Variants in GLRA2 observed in about 807,000 individuals in gnomAD.
The protein encoded by GLRA2 is glycine receptor subunit alpha-2.
A neutral mutation model predicts 31.6 loss-of-function variants in GLRA2; 11 were observed. The observed-to-expected ratio is 0.35, with a 90% confidence interval of 0.22 to 0.58. The LOEUF (loss-of-function observed/expected upper bound fraction) is 0.58. Ranked by LOEUF, GLRA2 falls within the 20% of genes least tolerant of loss-of-function variation. GLRA2 has a pLI of 0.84. For synonymous variants in GLRA2, 132 were observed against 134.0 expected (o/e 0.99, Z 0.10); for missense variants, 212 against 351.8 (o/e 0.60, Z 3.18).
chrX:14,486,769 A>G, the GLRA2 span, among the ~76,000 whole-genome samples: 1 of 112,096 alleles, frequency 8.9e-6, no homozygotes, highest in Non-Finnish European at 1.9e-5. Context: ...CACTCTAAAA[A>G]TAATTTGACA....
the GLRA2 span, among the ~76,000 whole-genome samples, chrX:14,522,717 G>A: frequency 8.9e-6 from 1 of 111,987 alleles, no homozygotes; most frequent in African/African-American, 3.2e-5. Flanking sequence ...CTCCATCAGA[G>A]GTCTTGGGTG....
chrX:14,678,695 G>C (rs1015979836), intron 7 of GLRA2, among the ~76,000 whole-genome samples: 1 of 111,913 alleles, frequency 8.9e-6, no homozygotes, highest in Non-Finnish European at 1.9e-5. Context: ...GCTGCTGTGA[G>C]GTCAGGGCTG....
intron 7 of GLRA2, among the ~76,000 whole-genome samples, chrX:14,647,703 G>A (rs1356706232): frequency 1.8e-5 from 2 of 112,424 alleles, no homozygotes; most frequent in African/African-American, 6.5e-5. Flanking sequence ...ACATTTATGT[G>A]GTCATTTATC....
chrX:14,723,144 A>G (rs1044330625), intron 8 of GLRA2, among the ~76,000 whole-genome samples: 10 of 112,082 alleles, frequency 8.9e-5, no homozygotes, highest in East Asian at 2.8e-4. Context: ...ATTGCAATCA[A>G]TCACCTACCC....
intron 7 of GLRA2, among the ~76,000 whole-genome samples, chrX:14,626,458 G>T (rs1028658404): frequency 8.9e-6 from 1 of 111,784 alleles, no homozygotes; most frequent in Non-Finnish European, 1.9e-5. Flanking sequence ...TTGCCTGATT[G>T]CCCTTTCTCT....
At chrX:14,596,492 C>G (rs1000426713) in intron 4 of GLRA2, among the ~76,000 whole-genome samples, 1 of 110,107 alleles carries the variant, frequency 9.1e-6, no homozygotes, top group Admixed American at 9.7e-5. Context: ...TACCCCTAGT[C>G]CAATCACTTA....
the GLRA2 span, among the ~76,000 whole-genome samples, chrX:14,493,504 C>CATAT: frequency 6.9e-3 from 702 of 101,202 alleles, 9 homozygotes; most frequent in African/African-American, 0.024. Context: ...TAAGGCTGAA[C>CATAT]ATATATATAT....
In GLRA2 at chrX:14,620,526, A is replaced by G. The variant is rs776971544; in HGVS notation, c.930+11321A>G. ...TTCCTTGATCTTAAGGTGTCATTAA[A>G]GACTATCTGTGCATTTGAATCTAAG... is the stretch of plus-strand genomic sequence containing the variant. On this transcript the variant is annotated intron_variant, in intron 7 of 8. Coordinates refer to ENST00000218075, the MANE Select transcript of GLRA2 (RefSeq NM_002063.4). Among the ~76,000 whole-genome samples the G allele has an allele frequency of 2.7e-5, 3 of 111,230 alleles. No homozygotes were observed. The East Asian group carries it at 8.5e-4, about 32-fold the overall frequency.
chrX:14,675,061 T>G (rs1361483089), intron 7 of GLRA2, among the ~76,000 whole-genome samples: 1 of 112,001 alleles, frequency 8.9e-6, no homozygotes, highest in African/African-American at 3.2e-5. Context: ...AATGTGCTTG[T>G]CTATCAGCCA....
the GLRA2 span, among the ~76,000 whole-genome samples, chrX:14,461,912 G>C: frequency 8.9e-6 from 1 of 111,916 alleles, no homozygotes; most frequent in Non-Finnish European, 1.9e-5. Flanking sequence ...TGGTTATTTT[G>C]CCTGTTAATT....
intron 7 of GLRA2, among the ~76,000 whole-genome samples, chrX:14,682,821 A>G (rs746847350): frequency 9.2e-6 from 1 of 108,212 alleles, no homozygotes; most frequent in South Asian, 4.1e-4. Flanking sequence ...TGTCCTTGCA[A>G]CAGTTTGCTG....
intron 2 of GLRA2, among the ~76,000 whole-genome samples, chrX:14,555,303 C>T (rs2089627624): frequency 1.8e-5 from 2 of 111,761 alleles, no homozygotes; most frequent in Non-Finnish European, 3.8e-5. Context: ...TTCAGTTCTC[C>T]CAATGAACTT....
chrX:14,599,837 A>T (rs190022158), intron 4 of GLRA2, among the ~76,000 whole-genome samples: 89 of 111,609 alleles, frequency 8.0e-4, no homozygotes, highest in African/African-American at 2.7e-3. Flanking sequence ...TAGCGGGAAA[A>T]ACCTAGATCT....
chrX:14,559,344 G>A (rs968217628), intron 2 of GLRA2, among the ~76,000 whole-genome samples: 5 of 108,380 alleles, frequency 4.6e-5, no homozygotes, highest in Admixed American at 3.0e-4. Context: ...CAGAAGAATC[G>A]ATACATAATT....
intron 8 of GLRA2, among the ~76,000 whole-genome samples, chrX:14,716,513 T>A (rs1022417792): frequency 1.8e-5 from 2 of 111,728 alleles, no homozygotes; most frequent in African/African-American, 6.5e-5. Flanking sequence ...AAGAGAGAGT[T>A]ATCTGCCAGG....
chrX:14,581,467 T>C, intron 4 of GLRA2, 61 bp downstream of exon 4: 1 of 648,522 alleles, frequency 1.5e-6, no homozygotes, highest in East Asian at 3.2e-5. Flanking sequence ...TAGAGCTGCC[T>C]GATTCTGCAG....
At chrX:14,477,975 G>A in the GLRA2 span, among the ~76,000 whole-genome samples, 1 of 110,516 alleles carries the variant, frequency 9.0e-6, no homozygotes, top group East Asian at 2.8e-4. Context: ...AATTGGAATT[G>A]CAATTCCAAT....
At chrX:14,635,624 T>C (rs2090702354) in intron 7 of GLRA2, among the ~76,000 whole-genome samples, 1 of 111,875 alleles carries the variant, frequency 8.9e-6, no homozygotes, top group Non-Finnish European at 1.9e-5. Flanking sequence ...AAAAACTGTG[T>C]TACTATTCAG....
At chrX:14,715,062 C>G (rs2091765903) in intron 8 of GLRA2, among the ~76,000 whole-genome samples, 1 of 112,239 alleles carries the variant, frequency 8.9e-6, no homozygotes, top group Non-Finnish European at 1.9e-5. Context: ...ATTGTAAACA[C>G]ATACATAAAT....
Sources: allele counts gnomAD v4.1 joint callset (sites outside exome capture counted in the v4.1 genomes callset), GRCh38; gene constraint gnomAD v4.1.1; transcripts MANE v1.5; gene names NCBI Gene and HGNC (gene_info 2026-07-23, HGNC 2026-07-21).